PRPH2: variants seen among roughly 807,000 people sequenced by gnomAD.
PRPH2 encodes the protein peripherin 2.
In PRPH2, 17 loss-of-function variants were observed where a neutral mutation model predicts 31.3. The observed-to-expected ratio is 0.54, with a 90% CI of 0.37 to 0.81. The LOEUF is 0.81. Among genes scored for constraint, PRPH2 ranks in the 40% least tolerant of loss-of-function variants. The pLI, the probability that PRPH2 is intolerant of heterozygous loss-of-function variation, is 0.00. For synonymous variants in PRPH2, 165 were observed against 184.4 expected (o/e 0.89, Z 0.85); for missense variants, 430 against 439.7 (o/e 0.98, Z 0.20).
chr6:42,720,008 T>C (rs1766446005), intron 1 of PRPH2, among the ~76,000 whole-genome samples: 2 of 152,326 alleles, frequency 1.3e-5, no homozygotes, highest in South Asian at 4.1e-4. Context: ...TTTCCTATTT[T>C]GGCTTCTTTT....
chr6:42,711,706 T>C, intron 1 of PRPH2: 1 of 957,940 alleles, frequency 1.0e-6, no homozygotes, highest in Non-Finnish European at 1.2e-6. Context: ...AGTCAAGTTC[T>C]AATCTTCTCC....
chr6:42,719,395 C>T (rs558457592), intron 1 of PRPH2, among the ~76,000 whole-genome samples: 13 of 151,880 alleles, frequency 8.6e-5, no homozygotes, highest in African/African-American at 2.7e-4. Context: ...AGGCTGGTTT[C>T]GAACTCCTGA....
chr6:42,698,091 T>C lies in PRPH2; in HGVS notation c.*204A>G. 1 of 667,318 alleles carries C rather than the reference T, an allele frequency of 1.5e-6. No individual in the cohort carries two copies. The highest frequency in any genetic ancestry group is 2.5e-6 in the Non-Finnish European group (1 of 399,182). The allele number at this position is 667,318 out of a possible 1,614,324, so 41.3% of individuals were successfully genotyped here. ...TTCACTCACATTCACATTAGCTTCA[T>C]TCACATTTTGGGTCAGTCATTCAAC... is the stretch of plus-strand genomic sequence containing the variant. On this transcript the variant is annotated 3_prime_UTR_variant, in exon 3 of 3. Transcript: ENST00000230381.
chr6:42,718,782 A>C (rs915255028), intron 1 of PRPH2, among the ~76,000 whole-genome samples: 6 of 151,998 alleles, frequency 3.9e-5, no homozygotes, highest in African/African-American at 1.5e-4. Context: ...CCTCCTGAGT[A>C]GCTAGGACCA....
chr6:42,709,330 A>G (rs1448478914), intron 1 of PRPH2, among the ~76,000 whole-genome samples: 1 of 136,548 alleles, frequency 7.3e-6, no homozygotes, highest in Non-Finnish European at 1.6e-5. Flanking sequence ...ACTCTGTCTC[A>G]AATTAAAAAA....
intron 1 of PRPH2, 141 bp from the exon 2 acceptor site, chr6:42,704,752 G>A: frequency 1.5e-6 from 2 of 1,292,804 alleles, no homozygotes; most frequent in Non-Finnish European, 1.1e-6. Context: ...CCCGCTACGT[G>A]CCAGTCACTG....
At chr6:42,701,456 T>C (rs1003051424) in intron 2 of PRPH2, among the ~76,000 whole-genome samples, 4 of 151,754 alleles carry the variant, frequency 2.6e-5, no homozygotes, top group Admixed American at 6.6e-5. Flanking sequence ...GATGAGATCT[T>C]GCTATGTTGC....
chr6:42,701,854 G>A (rs1800051982), intron 2 of PRPH2, among the ~76,000 whole-genome samples: 2 of 151,804 alleles, frequency 1.3e-5, no homozygotes, highest in African/African-American at 4.8e-5. Context: ...CCAGCAGTAT[G>A]TTCCTCTCCT....
At chr6:42,704,331 CT>C (rs758068955) in intron 2 of PRPH2, 33 bp downstream of exon 2, 2 of 1,597,718 alleles carry the variant, frequency 1.3e-6, no homozygotes, top group Admixed American at 1.7e-5. Flanking sequence ...GGAGGCTCTC[CT>C]TACCCTCTAC....
rs767850825 is a variant in PRPH2 at position 42,722,237 on chromosome 6, A to G, written c.98T>C (p.Ile33Thr). Reference protein sequence around the residue: ...MNWFSVLAGIIIFSLGLFLKI... With the variant: ...MNWFSVLAGITIFSLGLFLKI... ...CAGGAACAGTCCTAGGCTGAAGATG[A>G]TGATGCCAGCCAACACGGAGAACCA... Residue 33 changes from isoleucine (I) to threonine (T), a missense_variant, in exon 1 of 3, where the codon ATC (isoleucine) becomes ACC (threonine). By Grantham distance (89) the Ile-to-Thr change is moderately conservative (BLOSUM62 -1). Transcript: ENST00000230381. This position sits in a 1 kb window ranked among gnomAD's most constrained non-coding sequence, Gnocchi z 4.4. 22 of 1,614,052 alleles carry G rather than the reference A, an allele frequency of 1.4e-5. No individual in the cohort carries two copies. The highest frequency in any genetic ancestry group is 1.7e-5 in the Admixed American group (1 of 60,002).
At position 42,701,469 on chromosome 6, in the gene PRPH2, G is replaced by A. The variant is rs773302577; in HGVS notation, c.828+2896C>T. Among the ~76,000 whole-genome samples, 6 of 151,422 alleles carry A rather than the reference G, an allele frequency of 4.0e-5. No individual in the cohort carries two copies. In the South Asian group the frequency reaches 6.3e-4, roughly 16 times the overall value. Reference sequence around the variant, plus strand: ...GAGATGAGATCTTGCTATGTTGCCTGGGCTGGTCTAAACTCCTGGGCTCAA... The same window carrying A: ...GAGATGAGATCTTGCTATGTTGCCTAGGCTGGTCTAAACTCCTGGGCTCAA... On this transcript the variant is annotated intron_variant, in intron 2 of 2. Transcript: ENST00000230381.
rs61755791 is a variant in PRPH2, at chr6:42,721,827, C to T, written c.508G>A (p.Gly170Ser). 9.3e-6 allele frequency: 15 copies of T among 1,614,066 alleles called. No individual in the cohort carries two copies. In the East Asian group the frequency reaches 1.6e-4, roughly 17 times the overall value. The change falls in exon 1 of 3, where the codon GGT becomes AGT. Residue 170 changes from glycine (G) to serine (S), a missense_variant. Transcript: ENST00000230381. ...TGAATCTCAAACCAGTCCCGAAAAC[C>T]GTTGTTGCCGCAGCATTTGAACTCG... Reference protein sequence around the residue: ...QIEFKCCGNNGFRDWFEIQWI... With the variant: ...QIEFKCCGNNSFRDWFEIQWI...
At position 42,721,800 on chromosome 6, in the gene PRPH2, A is replaced by G. The variant is rs61755796; in HGVS notation, c.535T>C (p.Trp179Arg). The change falls in exon 1 of 3, where the codon TGG (tryptophan) becomes CGG (arginine). Residue 179 changes from tryptophan to arginine, a missense_variant. By Grantham distance (101) the Trp-to-Arg change is moderately radical (BLOSUM62 -3). Transcript: ENST00000230381. ...AAGTCCAGGTAGCGATTGCTGATCC[A>G]CTGAATCTCAAACCAGTCCCGAAAA... is the stretch of plus-strand genomic sequence containing the variant. ...NGFRDWFEIQ[W>R]ISNRYLDFSS... The G allele has an allele frequency of 6.2e-7, 1 of 1,614,220 alleles. No homozygotes were observed. The highest frequency in any genetic ancestry group is 8.5e-7 in the Non-Finnish European group (1 of 1,180,034).
intron 1 of PRPH2, among the ~76,000 whole-genome samples, chr6:42,719,251 C>T (rs374468281): frequency 1.4e-3 from 216 of 151,844 alleles, no homozygotes; most frequent in African/African-American, 4.9e-3. Context: ...TCACTGCAAC[C>T]CCCGCCTCCC....
chr6:42,705,582 AAAAAAAAAAAAAAAAAAATAT>A (rs1259490746), intron 1 of PRPH2, among the ~76,000 whole-genome samples: 7 of 20,146 alleles, frequency 3.5e-4, no homozygotes, highest in Admixed American at 7.1e-4. Context: ...TCTAAAAAAA[AAAAAAAAAAAAAAAAAAATAT>A]ATATATATAT....
intron 2 of PRPH2, among the ~76,000 whole-genome samples, chr6:42,703,821 C>T (rs1342931919): frequency 6.6e-6 from 1 of 152,070 alleles, no homozygotes; most frequent in African/African-American, 2.4e-5. Context: ...AAACAATTGT[C>T]GGTCGGGTGC....
At chr6:42,714,058 G>C (rs980582610) in intron 1 of PRPH2, among the ~76,000 whole-genome samples, 1 of 151,654 alleles carries the variant, frequency 6.6e-6, no homozygotes, top group Non-Finnish European at 1.5e-5. Flanking sequence ...ATTTAATGCC[G>C]AATGTATGCA....
chr6:42,709,798 G>C (rs1370058802), intron 1 of PRPH2, among the ~76,000 whole-genome samples: 2 of 152,150 alleles, frequency 1.3e-5, no homozygotes, highest in African/African-American at 4.8e-5. Context: ...GTGTTTCCAG[G>C]CCTGGAAGTT....
chr6:42,707,863 C>T (rs890853257), intron 1 of PRPH2, among the ~76,000 whole-genome samples: 2 of 152,190 alleles, frequency 1.3e-5, no homozygotes, highest in Non-Finnish European at 2.9e-5. Flanking sequence ...GCATGGGCAG[C>T]ACAGATCGGT....
Sources: allele counts gnomAD v4.1 joint callset (sites outside exome capture counted in the v4.1 genomes callset), GRCh38; gene constraint gnomAD v4.1.1; non-coding constraint Gnocchi (gnomAD v3.1); transcripts MANE v1.5; gene names NCBI Gene and HGNC (gene_info 2026-07-23, HGNC 2026-07-21).